Variants in TENM4 observed in about 807,000 individuals in gnomAD.
TENM4 encodes the protein teneurin-4.
In TENM4, 82 loss-of-function variants were observed where a neutral mutation model predicts 243.3. The observed-to-expected ratio is 0.34, with a 90% CI of 0.28 to 0.40. TENM4 has a LOEUF of 0.40. Ranked by LOEUF, TENM4 falls within the 10% of genes least tolerant of loss-of-function variation. The probability of loss-of-function intolerance (pLI) is 1.00; values close to 1 mark genes in which losing one functional copy is unlikely to be tolerated. For synonymous variants in TENM4, 1,412 were observed against 1,456.3 expected (o/e 0.97, Z 0.69); for missense variants, 3,138 against 3,673.3 (o/e 0.85, Z 3.77).
chr11:78,906,821 T>C (rs897465737), intron 6 of TENM4, among the ~76,000 whole-genome samples: 7 of 152,200 alleles, frequency 4.6e-5, no homozygotes, highest in Non-Finnish European at 1.0e-4. Context: ...GTCCCTATCT[T>C]CTCTTCTCTG....
intron 7 of TENM4, among the ~76,000 whole-genome samples, chr11:78,896,910 A>G (rs1214235956): frequency 6.6e-6 from 1 of 152,162 alleles, no homozygotes; most frequent in Non-Finnish European, 1.5e-5. Flanking sequence ...CATGCGCAGA[A>G]GAGTGAAGAC....
chr11:79,353,146 T>G (rs1396565848), intron 1 of TENM4, among the ~76,000 whole-genome samples: 1 of 152,140 alleles, frequency 6.6e-6, no homozygotes, highest in Non-Finnish European at 1.5e-5. Flanking sequence ...AAAACAAAGC[T>G]TAACCAGCAC....
At chr11:78,939,479 A>G (rs1172531528) in intron 6 of TENM4, among the ~76,000 whole-genome samples, 2 of 152,216 alleles carry the variant, frequency 1.3e-5, no homozygotes, top group African/African-American at 4.8e-5. Context: ...ATCTTTGTGC[A>G]TGGTATTGCC....
chr11:79,037,989 C>T (rs1358876990), intron 6 of TENM4, among the ~76,000 whole-genome samples: 1 of 152,146 alleles, frequency 6.6e-6, no homozygotes, highest in African/African-American at 2.4e-5. Flanking sequence ...AAGATGCCTT[C>T]TTTTTATGAA....
chr11:79,230,443 G>A (rs60681929), intron 2 of TENM4, among the ~76,000 whole-genome samples: 38 of 152,208 alleles, frequency 2.5e-4, no homozygotes, highest in African/African-American at 7.7e-4. Context: ...TCCAAGAACC[G>A]TCCCCAATAA....
At chr11:78,923,149 G>A (rs935175684) in intron 6 of TENM4, among the ~76,000 whole-genome samples, 27 of 152,108 alleles carry the variant, frequency 1.8e-4, no homozygotes, top group Non-Finnish European at 8.8e-5. Context: ...CCAGATTCAC[G>A]GGTGTGTGAA....
At chr11:79,383,653 C>T (rs1268700571) in intron 1 of TENM4, among the ~76,000 whole-genome samples, 2 of 152,126 alleles carry the variant, frequency 1.3e-5, no homozygotes, top group East Asian at 1.9e-4. Context: ...TGCTCATGGC[C>T]GGTGGGGAGC....
chr11:78,696,718 T>G (rs1179914853), intron 28 of TENM4, among the ~76,000 whole-genome samples: 1 of 152,218 alleles, frequency 6.6e-6, no homozygotes, highest in Non-Finnish European at 1.5e-5. Flanking sequence ...TTGTGCTGAC[T>G]CAGAGAGGGT....
intron 2 of TENM4, among the ~76,000 whole-genome samples, chr11:79,291,997 A>G (rs1294208663): frequency 6.6e-6 from 1 of 152,212 alleles, no homozygotes; most frequent in East Asian, 1.9e-4. Context: ...CAGGTCGTCC[A>G]GAGCCACTCC....
At chr11:79,134,996 GACCTAATTAA>G (rs1468714518) in intron 4 of TENM4, among the ~76,000 whole-genome samples, 1 of 151,814 alleles carries the variant, frequency 6.6e-6, no homozygotes, top group African/African-American at 2.4e-5. Context: ...AAATAGCTGG[GACCTAATTAA>G]ACTAAACAGC....
rs777517764 is a variant in TENM4, at chr11:78,702,286, C to T, written c.4327G>A (p.Gly1443Arg). 6 of 1,613,998 alleles carry T rather than the reference C, an allele frequency of 3.7e-6. No homozygotes were observed. Among genetic ancestry groups the T allele is most frequent in the Admixed American group, 1.7e-5 (1 of 60,032 alleles). ...SENHQVRIVA[G>R]RPMHCQVPGI... ...GGGACCTGGCAGTGCATGGGCCTCCCGGCGACAATGCGCACCTGGTGGTTT... is the reference window on the plus strand; with the variant it reads ...GGGACCTGGCAGTGCATGGGCCTCCTGGCGACAATGCGCACCTGGTGGTTT... Residue 1443 changes from glycine (G) to arginine (R), a missense_variant, in exon 28 of 34, where the codon GGG (glycine) becomes AGG (arginine). Physicochemically the swap from Gly to Arg is moderately radical, Grantham distance 125. This residue lies in a region of TENM4 where 2,467 missense variants were observed against 3,059.1 expected (regional missense o/e 0.81). Coordinates refer to ENST00000278550, the MANE Select transcript of TENM4 (RefSeq NM_001098816.3).
intron 12 of TENM4, among the ~76,000 whole-genome samples, chr11:78,833,100 C>T (rs1298489151): frequency 6.6e-6 from 1 of 152,044 alleles, no homozygotes; most frequent in Non-Finnish European, 1.5e-5. Context: ...CTTCAATGTC[C>T]TTTCTTCCTT....
chr11:78,938,924 T>C (rs555209020), intron 6 of TENM4, among the ~76,000 whole-genome samples: 1 of 152,310 alleles, frequency 6.6e-6, no homozygotes, highest in African/African-American at 2.4e-5. Flanking sequence ...AGATTTGGAC[T>C]AACGAAGCCC....
At chr11:78,910,251 A>G (rs1211040581) in intron 6 of TENM4, among the ~76,000 whole-genome samples, 1 of 152,234 alleles carries the variant, frequency 6.6e-6, no homozygotes, top group Non-Finnish European at 1.5e-5. Context: ...TGATGACCCA[A>G]GCATACACTG....
intron 1 of TENM4, chr11:79,401,996 T>G (rs768049399): frequency 6.2e-5 from 24 of 384,882 alleles, no homozygotes; most frequent in Non-Finnish European, 1.2e-4. Context: ...GTGTGCAGGG[T>G]GAGAAGAGAG....
chr11:78,982,852 C>CT (rs1857832196), intron 6 of TENM4, among the ~76,000 whole-genome samples: 1 of 152,200 alleles, frequency 6.6e-6, no homozygotes, highest in Admixed American at 6.5e-5. Context: ...CTGAGATGCT[C>CT]TGGCAAAGTC....
At chr11:79,300,483 T>G (rs1472978744) in intron 1 of TENM4, among the ~76,000 whole-genome samples, 1 of 152,174 alleles carries the variant, frequency 6.6e-6, no homozygotes, top group Non-Finnish European at 1.5e-5. Context: ...GGTTGTTTGA[T>G]TATATGCTTA....
chr11:78,696,304 T>C (rs1405352027), intron 28 of TENM4, among the ~76,000 whole-genome samples: 1 of 152,204 alleles, frequency 6.6e-6, no homozygotes, highest in Non-Finnish European at 1.5e-5. Context: ...GCCTTTTCCA[T>C]TAGAGCCTTT....
At chr11:78,723,086 C>T (rs903389419) in intron 23 of TENM4, among the ~76,000 whole-genome samples, 169 bp from the exon 24 acceptor site, 2 of 152,226 alleles carry the variant, frequency 1.3e-5, no homozygotes, top group African/African-American at 2.4e-5. Flanking sequence ...CCCAGATTGT[C>T]CTAAACAAGT....
Sources: gnomAD v4.1 joint callset for allele counts (sites outside exome capture counted in the v4.1 genomes callset) on GRCh38, gnomAD v4.1.1 for gene constraint, gnomAD v4.1.1 regional missense constraint, MANE v1.5 for transcripts, NCBI Gene and HGNC (gene_info 2026-07-23, HGNC 2026-07-21) for gene names.